The following GLIS3 variants were observed in gnomAD, a reference collection of about 807,000 sequenced individuals.
The protein encoded by GLIS3 is GLIS family zinc finger 3, also known as zinc finger protein GLIS3.
In GLIS3, 53 loss-of-function variants were observed where a neutral mutation model predicts 78.6. The ratio of observed to expected loss-of-function variants is 0.67; its 90% confidence interval spans 0.54 to 0.85. The LOEUF (loss-of-function observed/expected upper bound fraction) is 0.85, where lower values mean the gene tolerates loss of function less well. Among genes scored for constraint, GLIS3 ranks in the 40% least tolerant of loss-of-function variants. GLIS3 has a pLI of 0.00. For missense variants in GLIS3, 1,703 were observed against 1,231.1 expected (o/e 1.38, Z -5.74); for synonymous variants, 684 against 509.9 (o/e 1.34, Z -4.60).
intron 2 of GLIS3, among the ~76,000 whole-genome samples, chr9:4,131,874 T>G (rs1292495278): frequency 1.3e-5 from 2 of 152,160 alleles, no homozygotes; most frequent in African/African-American, 4.8e-5. Flanking sequence ...CTGCTACTGT[T>G]GTTATTGATA....
At chr9:4,480,327 C>T in the GLIS3 span, among the ~76,000 whole-genome samples, 2 of 151,906 alleles carry the variant, frequency 1.3e-5, no homozygotes, top group East Asian at 3.9e-4. Flanking sequence ...ACCTCAGCCT[C>T]CCAAGCAGCT....
chr9:4,469,356 C>T, the GLIS3 span, among the ~76,000 whole-genome samples: 21 of 152,248 alleles, frequency 1.4e-4, no homozygotes, highest in Middle Eastern at 3.4e-3. Flanking sequence ...CCACACAATA[C>T]CTATTCCAAA....
intron 4 of GLIS3, chr9:4,054,423 C>A (rs1001028328): frequency 3.3e-5 from 33 of 985,306 alleles, no homozygotes; most frequent in Non-Finnish European, 4.0e-5. Flanking sequence ...CGGTTGGTTA[C>A]AAACACTTTG....
chr9:4,102,211 C>T (rs967420836), intron 4 of GLIS3, among the ~76,000 whole-genome samples: 3 of 152,184 alleles, frequency 2.0e-5, no homozygotes, highest in Non-Finnish European at 4.4e-5. Context: ...GTACTTGGAA[C>T]AGTTTACATT....
chr9:4,142,970 C>A (rs1166031609), intron 2 of GLIS3, among the ~76,000 whole-genome samples: 1 of 152,064 alleles, frequency 6.6e-6, no homozygotes, highest in Non-Finnish European at 1.5e-5. Flanking sequence ...TATCCGCTTC[C>A]CTTTCTTCTC....
chr9:4,111,871 G>A (rs144274496), intron 4 of GLIS3, among the ~76,000 whole-genome samples: 93 of 152,324 alleles, frequency 6.1e-4, no homozygotes, highest in African/African-American at 2.2e-3. Flanking sequence ...TCAGCCTCAA[G>A]AGACAAAGAG....
intron 7 of GLIS3, among the ~76,000 whole-genome samples, chr9:3,883,727 A>C (rs925885844): frequency 1.3e-5 from 2 of 152,218 alleles, no homozygotes; most frequent in African/African-American, 4.8e-5. Context: ...TACTGCTTTC[A>C]AGGCTGCAAG....
the GLIS3 span, among the ~76,000 whole-genome samples, chr9:4,402,607 T>G: frequency 2.0e-5 from 3 of 152,116 alleles, no homozygotes; most frequent in East Asian, 5.8e-4. Context: ...TTCTATCAGA[T>G]AAATTTAACA....
chr9:3,937,679 T>C (rs1457831623), intron 4 of GLIS3, among the ~76,000 whole-genome samples: 1 of 152,178 alleles, frequency 6.6e-6, no homozygotes, highest in African/African-American at 2.4e-5. Context: ...AAGACATGTG[T>C]CCACTAGATC....
chr9:4,077,210 A>G (rs1467308954), intron 4 of GLIS3, among the ~76,000 whole-genome samples: 2 of 152,216 alleles, frequency 1.3e-5, no homozygotes, highest in Non-Finnish European at 2.9e-5. Flanking sequence ...GAAATTAATA[A>G]CCTTATAGCT....
intron 2 of GLIS3, among the ~76,000 whole-genome samples, chr9:4,142,456 T>TG (rs1833883134): frequency 6.6e-6 from 1 of 152,194 alleles, no homozygotes; most frequent in Non-Finnish European, 1.5e-5. Context: ...GGCCTTAGCT[T>TG]GGGGGTTAGA....
intron 8 of GLIS3, among the ~76,000 whole-genome samples, chr9:3,872,686 G>C (rs1418468698): frequency 6.6e-6 from 1 of 152,176 alleles, no homozygotes; most frequent in African/African-American, 2.4e-5. Context: ...ACAACACGTA[G>C]GAATTATGGG....
chr9:4,202,596 G>C (rs997452756), intron 2 of GLIS3, among the ~76,000 whole-genome samples: 2 of 152,034 alleles, frequency 1.3e-5, no homozygotes, highest in Non-Finnish European at 2.9e-5. Context: ...AAACAAAATC[G>C]CATGGTGAAA....
chr9:4,045,609 T>C (rs1158607953), intron 4 of GLIS3, among the ~76,000 whole-genome samples: 2 of 151,956 alleles, frequency 1.3e-5, no homozygotes, highest in East Asian at 3.9e-4. Context: ...AGTGCTGACA[T>C]TACAGATGTG....
intron 2 of GLIS3, among the ~76,000 whole-genome samples, chr9:4,132,736 A>G (rs535889370): frequency 6.6e-6 from 1 of 152,202 alleles, no homozygotes; most frequent in African/African-American, 2.4e-5. Flanking sequence ...TGGGTCATAT[A>G]AAATGATATT....
Position 3,909,550 on chromosome 9 carries a change from T to A in GLIS3, c.1984-10715A>T, listed in dbSNP as rs545079148. Among the ~76,000 whole-genome samples, 10 of 152,276 alleles carry A rather than the reference T, an allele frequency of 6.6e-5. No homozygotes were observed. The South Asian group carries it at 2.1e-3, about 32-fold the overall frequency. On this transcript the variant is annotated intron_variant, in intron 6 of 10. Transcript: ENST00000381971. ...GAACATCTGTATAGGGGATACCTATTTAGTTAGCAGTGACTCCAAAGGCCC... is the reference window on the plus strand; with the variant it reads ...GAACATCTGTATAGGGGATACCTATATAGTTAGCAGTGACTCCAAAGGCCC...
chr9:4,378,434 C>T, the GLIS3 span, among the ~76,000 whole-genome samples: 3 of 151,792 alleles, frequency 2.0e-5, no homozygotes, highest in Non-Finnish European at 4.4e-5. Context: ...ATATTTTTTT[C>T]TTTCACCCTC....
At chr9:4,028,469 T>C (rs1823534045) in intron 4 of GLIS3, among the ~76,000 whole-genome samples, 1 of 152,204 alleles carries the variant, frequency 6.6e-6, no homozygotes, top group African/African-American at 2.4e-5. Flanking sequence ...AAATAGGGCT[T>C]TTCTCTTTTC....
intron 9 of GLIS3, among the ~76,000 whole-genome samples, chr9:3,843,015 C>T (rs1818816594): frequency 6.6e-6 from 1 of 152,148 alleles, no homozygotes; most frequent in African/African-American, 2.4e-5. Context: ...ATCCAGATGA[C>T]TTGCCTGGCT....
Sources: gnomAD v4.1 joint callset for allele counts (sites outside exome capture counted in the v4.1 genomes callset) on GRCh38, gnomAD v4.1.1 for gene constraint, MANE v1.5 for transcripts, NCBI Gene and HGNC (gene_info 2026-07-23, HGNC 2026-07-21) for gene names.